Variants in GPC5 observed in about 807,000 individuals in gnomAD.
GPC5 encodes glypican 5.
In GPC5, 47 loss-of-function variants were observed where a neutral mutation model predicts 53.9. The observed-to-expected ratio is 0.87, with a 90% CI of 0.69 to 1.11. GPC5 has a LOEUF of 1.11. Among genes scored for constraint, GPC5 ranks in the 50% most tolerant of loss-of-function variants. The pLI is 0.00. For synonymous variants in GPC5, 286 were observed against 263.3 expected (o/e 1.09, Z -0.84); for missense variants, 748 against 713.1 (o/e 1.05, Z -0.56).
At chr13:91,431,098 C>G (rs774148079) in intron 1 of GPC5, among the ~76,000 whole-genome samples, 4 of 152,076 alleles carry the variant, frequency 2.6e-5, no homozygotes, top group Non-Finnish European at 5.9e-5. Flanking sequence ...AGGTTGGTCT[C>G]AAACTCCTGG....
chr13:91,534,160 A>C (rs1886475073), intron 2 of GPC5, among the ~76,000 whole-genome samples: 1 of 152,206 alleles, frequency 6.6e-6, no homozygotes, highest in South Asian at 2.1e-4. Context: ...TTTAAGTATA[A>C]ATTAACTTTA....
chr13:91,984,166 T>A (rs1244589396), intron 6 of GPC5, among the ~76,000 whole-genome samples: 1 of 152,240 alleles, frequency 6.6e-6, no homozygotes, highest in East Asian at 1.9e-4. Flanking sequence ...GTTTTAGCAA[T>A]TATTATTGAG....
rs554696089 is a variant in GPC5 at position 92,076,330 on chromosome 13, C to A, written c.1402-68500C>A. Among the ~76,000 whole-genome samples the A allele has an allele frequency of 4.6e-5, 7 of 152,234 alleles. No homozygotes were observed. The East Asian group carries it at 1.4e-3, about 29-fold the overall frequency. On this transcript the variant is annotated intron_variant, in intron 6 of 7. Transcript: ENST00000377067. ...CTCTTGACCACCTGCCTCGGCCTCC[C>A]AAAGTGCTGGGATTACAGGCGTGAG... is the stretch of plus-strand genomic sequence containing the variant.
intron 5 of GPC5, among the ~76,000 whole-genome samples, chr13:91,818,016 G>C (rs947329378): frequency 3.9e-5 from 6 of 151,982 alleles, no homozygotes; most frequent in Non-Finnish European, 7.4e-5. Flanking sequence ...GAAACAGTAA[G>C]GAAAATTTCA....
rs555745098 is a variant in GPC5 at position 92,829,487 on chromosome 13, T to C, written c.1562-36795T>C. Among the ~76,000 whole-genome samples the C allele has an allele frequency of 4.7e-4, 72 of 152,304 alleles. No individual in the cohort carries two copies. In the South Asian group the frequency reaches 5.4e-3, roughly 11 times the overall value. On this transcript the variant is annotated intron_variant, in intron 7 of 7. Coordinates refer to ENST00000377067, the MANE Select transcript of GPC5 (RefSeq NM_004466.6). ...ATGGAGTTAAATCTCAAATTTATTA[T>C]TATGAAATATTTGTTTAACCAGAGT...
intron 5 of GPC5, among the ~76,000 whole-genome samples, chr13:91,766,216 G>T (rs992478428): frequency 6.6e-6 from 1 of 152,172 alleles, no homozygotes; most frequent in Non-Finnish European, 1.5e-5. Context: ...CAGCAGACTT[G>T]GAAGCAAGAA....
chr13:91,592,981 C>A (rs894294731), intron 2 of GPC5, among the ~76,000 whole-genome samples: 11 of 152,218 alleles, frequency 7.2e-5, no homozygotes, highest in Admixed American at 5.2e-4. Flanking sequence ...CCTGTCTATG[C>A]TCTCCTGGAG....
chr13:91,646,093 G>A, intron 2 of GPC5, among the ~76,000 whole-genome samples: 1 of 152,146 alleles, frequency 6.6e-6, no homozygotes, highest in Admixed American at 6.5e-5. Flanking sequence ...ATATGAAAGA[G>A]GAGTGGCTAA....
At chr13:92,349,135 A>C (rs1308106280) in intron 7 of GPC5, among the ~76,000 whole-genome samples, 1 of 152,122 alleles carries the variant, frequency 6.6e-6, no homozygotes, top group East Asian at 1.9e-4. Context: ...GGTTTTTAAA[A>C]ATTTTAATGT....
At chr13:92,297,986 C>T (rs1265846618) in intron 7 of GPC5, among the ~76,000 whole-genome samples, 5 of 152,130 alleles carry the variant, frequency 3.3e-5, no homozygotes, top group South Asian at 4.2e-4. Flanking sequence ...ACACTCACCA[C>T]GAGGGTCCGC....
chr13:92,297,661 G>C (rs973785662), intron 7 of GPC5, among the ~76,000 whole-genome samples: 1 of 152,100 alleles, frequency 6.6e-6, no homozygotes, highest in African/African-American at 2.4e-5. Context: ...CTAGCTCAGG[G>C]ATTGTAAACG....
chr13:92,671,888 G>C (rs1170004726), intron 7 of GPC5, among the ~76,000 whole-genome samples: 2 of 152,138 alleles, frequency 1.3e-5, no homozygotes, highest in Non-Finnish European at 2.9e-5. Flanking sequence ...AGAAATGGAA[G>C]ACATTGGAAG....
At position 92,780,600 on chromosome 13, in the gene GPC5, T is replaced by A. The variant is rs1875986895; in HGVS notation, c.1562-85682T>A. 3.3e-5 allele frequency among the ~76,000 whole-genome samples: 5 copies of A among 152,142 alleles called. No individual in the cohort carries two copies. The South Asian group carries it at 1.0e-3, about 32-fold the overall frequency. On this transcript the variant is annotated intron_variant, in intron 7 of 7. Transcript: ENST00000377067. The stretch of plus-strand genomic sequence containing the variant: ...ACATTTTCTAATAATATGGTCATAA[T>A]CGTGAGTCCAGACTTCAGTGTATAA...
At chr13:91,830,658 C>T (rs9560866) in intron 5 of GPC5, among the ~76,000 whole-genome samples, 69,204 of 149,240 alleles carry the variant, frequency 0.46, 16,834 homozygotes, top group East Asian at 0.73. Flanking sequence ...TGGCTTCAGC[C>T]GGTCCCTCCG....
chr13:91,967,046 A>G (rs893889491), intron 6 of GPC5, among the ~76,000 whole-genome samples: 1 of 152,230 alleles, frequency 6.6e-6, no homozygotes, highest in Non-Finnish European at 1.5e-5. Flanking sequence ...TAATTTATAA[A>G]GAAAAAGAAG....
intron 7 of GPC5, among the ~76,000 whole-genome samples, chr13:92,216,933 C>T (rs899623262): frequency 2.0e-5 from 3 of 149,406 alleles, no homozygotes; most frequent in East Asian, 2.0e-4. Flanking sequence ...GAGCTGAGAT[C>T]GCACTACTGG....
chr13:92,230,108 C>A (rs1189572306), intron 7 of GPC5, among the ~76,000 whole-genome samples: 1 of 152,078 alleles, frequency 6.6e-6, no homozygotes, highest in African/African-American at 2.4e-5. Context: ...ATCATCAGGT[C>A]CAGAGCAGAT....
intron 7 of GPC5, among the ~76,000 whole-genome samples, chr13:92,455,761 A>G (rs536904633): frequency 3.3e-5 from 5 of 152,344 alleles, no homozygotes; most frequent in African/African-American, 9.6e-5. Flanking sequence ...TCAGCTATTA[A>G]AAGCTAAGCC....
chr13:92,250,238 A>G (rs573190555), intron 7 of GPC5, among the ~76,000 whole-genome samples: 24 of 152,148 alleles, frequency 1.6e-4, no homozygotes, highest in Non-Finnish European at 2.4e-4. Context: ...ATGGCTTTTT[A>G]TGTTTATGCC....
Sources: allele counts gnomAD v4.1 joint callset (sites outside exome capture counted in the v4.1 genomes callset), GRCh38; gene constraint gnomAD v4.1.1; transcripts MANE v1.5; gene names NCBI Gene and HGNC (gene_info 2026-07-23, HGNC 2026-07-21).